RIMS1: variants seen among roughly 807,000 people sequenced by gnomAD.
RIMS1 encodes the protein regulating synaptic membrane exocytosis 1.
A neutral mutation model predicts 214.1 loss-of-function variants in RIMS1; 83 were observed. The observed-to-expected ratio is 0.39, with a 90% CI of 0.32 to 0.47. RIMS1 has a LOEUF of 0.47. RIMS1 is among the 20% of genes least tolerant of loss of function. The probability of loss-of-function intolerance (pLI) is 0.99; values close to 1 mark genes in which losing one functional copy is unlikely to be tolerated. For missense variants in RIMS1, 2,050 were observed against 2,161.8 expected (o/e 0.95, Z 1.03); for synonymous variants, 793 against 786.8 (o/e 1.01, Z -0.13).
At chr6:72,218,830 T>C (rs2057336111) in intron 6 of RIMS1, among the ~76,000 whole-genome samples, 1 of 152,232 alleles carries the variant, frequency 6.6e-6, no homozygotes, top group African/African-American at 2.4e-5. Context: ...TTATAGTCTC[T>C]ACACATATAT....
At chr6:72,026,072 T>C (rs1193602373) in intron 2 of RIMS1, among the ~76,000 whole-genome samples, 1 of 152,196 alleles carries the variant, frequency 6.6e-6, no homozygotes, top group Non-Finnish European at 1.5e-5. Context: ...ACTTACTTCA[T>C]ATTTTATTAG....
intron 26 of RIMS1, among the ~76,000 whole-genome samples, chr6:72,301,788 G>A (rs556619234): frequency 1.6e-4 from 25 of 151,594 alleles, no homozygotes; most frequent in Admixed American, 7.9e-4. Context: ...TTGAGCATCC[G>A]TGAATTTTGG....
chr6:72,311,700 G>C (rs1292752903), intron 27 of RIMS1, among the ~76,000 whole-genome samples: 1 of 152,150 alleles, frequency 6.6e-6, no homozygotes, highest in Non-Finnish European at 1.5e-5. Flanking sequence ...ACATACACAT[G>C]AGAGGTAAAG....
chr6:72,075,004 C>A (rs1562255618), intron 2 of RIMS1, among the ~76,000 whole-genome samples: 1 of 152,094 alleles, frequency 6.6e-6, no homozygotes, highest in Non-Finnish European at 1.5e-5. Flanking sequence ...CAAGGCTGAT[C>A]TCAAATTCTT....
Position 71,886,805 on chromosome 6 carries a change from C to G in RIMS1, c.-219C>G, listed in dbSNP as rs949963442. On this transcript the variant is annotated 5_prime_UTR_variant, in exon 1 of 34. Transcript: ENST00000521978. Reference sequence around the variant, plus strand: ...TTCGCTAGGGCGACCAAAACAAAGGCAGCATCCGGGGCTGGGTGGATGCAA... The same window carrying G: ...TTCGCTAGGGCGACCAAAACAAAGGGAGCATCCGGGGCTGGGTGGATGCAA... 23 of 574,550 alleles carry G rather than the reference C, an allele frequency of 4.0e-5. No individual in the cohort carries two copies. The highest frequency in any genetic ancestry group is 6.4e-5 in the Non-Finnish European group (21 of 329,118). 35.6% of individuals were successfully genotyped at this position (574,550 alleles called of 1,614,324 possible). A position where few individuals can be genotyped will look rare whatever the true frequency, so the allele number is the denominator to read the frequency against.
intron 1 of RIMS1, among the ~76,000 whole-genome samples, chr6:71,923,813 C>T (rs1315815282): frequency 6.6e-6 from 1 of 152,140 alleles, no homozygotes; most frequent in Non-Finnish European, 1.5e-5. Flanking sequence ...ATCCACCCAC[C>T]TCAGCCTCCC....
chr6:71,887,266 G>A (rs1768012046), intron 1 of RIMS1, 79 bp downstream of exon 1: 1 of 1,524,378 alleles, frequency 6.6e-7, no homozygotes, highest in Non-Finnish European at 8.9e-7. Flanking sequence ...TAGTCCTCGC[G>A]GCTGAGTGTG....
At chr6:71,891,923 C>A (rs891266546) in intron 1 of RIMS1, among the ~76,000 whole-genome samples, 1 of 152,178 alleles carries the variant, frequency 6.6e-6, no homozygotes, top group Non-Finnish European at 1.5e-5. Flanking sequence ...ATATTATTAT[C>A]CGCCCATACC....
At chr6:72,273,531 C>G (rs1008816220) in intron 22 of RIMS1, among the ~76,000 whole-genome samples, 3 of 151,958 alleles carry the variant, frequency 2.0e-5, no homozygotes, top group African/African-American at 7.2e-5. Context: ...GGTAGCTTAA[C>G]AAAGGAATGA....
At chr6:72,343,748 C>T (rs1429278490) in intron 29 of RIMS1, among the ~76,000 whole-genome samples, 1 of 151,280 alleles carries the variant, frequency 6.6e-6, no homozygotes, top group Admixed American at 6.6e-5. Context: ...GAGTTCAAAA[C>T]CATATGGAGT....
At chr6:72,313,048 T>C (rs1350375055) in intron 27 of RIMS1, among the ~76,000 whole-genome samples, 1 of 152,196 alleles carries the variant, frequency 6.6e-6, no homozygotes, top group Non-Finnish European at 1.5e-5. Context: ...ACACATCATG[T>C]CAGTGCTCAA....
intron 2 of RIMS1, among the ~76,000 whole-genome samples, chr6:72,045,352 A>G (rs898468133): frequency 2.0e-5 from 3 of 151,982 alleles, no homozygotes; most frequent in African/African-American, 7.2e-5. Context: ...AGACAGAGGA[A>G]CACTAGATCC....
chr6:71,915,864 G>A (rs1233493095), intron 1 of RIMS1, among the ~76,000 whole-genome samples: 2 of 152,102 alleles, frequency 1.3e-5, no homozygotes. Flanking sequence ...AGAAGGCAAA[G>A]GAGGGGCAAA....
intron 2 of RIMS1, among the ~76,000 whole-genome samples, chr6:71,979,702 G>T (rs1384768904): frequency 6.6e-6 from 1 of 151,990 alleles, no homozygotes; most frequent in East Asian, 1.9e-4. Flanking sequence ...ATGTAAAAAT[G>T]CATAGAATCA....
At chr6:72,300,727 T>A (rs576642572) in intron 26 of RIMS1, among the ~76,000 whole-genome samples, 2 of 151,804 alleles carry the variant, frequency 1.3e-5, no homozygotes, top group Non-Finnish European at 3.0e-5. Flanking sequence ...CAAATTCTTT[T>A]ATAAGAGCCT....
At chr6:72,339,331 G>T (rs926473033) in intron 29 of RIMS1, among the ~76,000 whole-genome samples, 1 of 151,730 alleles carries the variant, frequency 6.6e-6, no homozygotes, top group Non-Finnish European at 1.5e-5. Flanking sequence ...TGTGCACAAC[G>T]TGCAGGTTTG....
intron 1 of RIMS1, among the ~76,000 whole-genome samples, chr6:71,946,950 T>C (rs1040144249): frequency 6.6e-6 from 1 of 151,878 alleles, no homozygotes; most frequent in African/African-American, 2.4e-5. Flanking sequence ...AGCAAAAAGA[T>C]AAATAACCTG....
At chr6:72,055,736 T>A (rs778490125) in intron 2 of RIMS1, among the ~76,000 whole-genome samples, 14 of 152,222 alleles carry the variant, frequency 9.2e-5, no homozygotes, top group Non-Finnish European at 2.1e-4. Context: ...TTCAGTCGAA[T>A]GGCTATTATT....
intron 2 of RIMS1, among the ~76,000 whole-genome samples, chr6:72,004,033 A>C (rs579938): frequency 0.49 from 49,163 of 101,212 alleles, 11,629 homozygotes; most frequent in Admixed American, 0.55. Flanking sequence ...CCCCACCCCA[A>C]AACAGTCCCC....
Sources: gnomAD v4.1 joint callset for allele counts (sites outside exome capture counted in the v4.1 genomes callset) on GRCh38, gnomAD v4.1.1 for gene constraint, MANE v1.5 for transcripts, NCBI Gene and HGNC (gene_info 2026-07-23, HGNC 2026-07-21) for gene names.